Variants in NIBAN1 observed in about 807,000 individuals in gnomAD.
NIBAN1 encodes niban apoptosis regulator 1.
In NIBAN1, 81 loss-of-function variants were observed where a neutral mutation model predicts 75.1. The ratio of observed to expected loss-of-function variants is 1.08; its 90% CI spans 0.90 to 1.30. The LOEUF (loss-of-function observed/expected upper bound fraction) is 1.30. Ranked by LOEUF, NIBAN1 falls within the 50% of genes most tolerant of loss-of-function variation. NIBAN1 has a pLI of 0.00. For missense variants in NIBAN1, 1,133 were observed against 1,128.1 expected, an observed-to-expected ratio of 1.00 and a Z score of -0.06; for synonymous variants, 436 against 424.8, an observed-to-expected ratio of 1.03 and a Z score of -0.32.
intron 1 of NIBAN1, among the ~76,000 whole-genome samples, chr1:184,933,024 A>G (rs1355934871): frequency 1.3e-5 from 2 of 152,236 alleles, no homozygotes; most frequent in Non-Finnish European, 2.9e-5. Flanking sequence ...AGACACAAAA[A>G]TTAAAGAGTA....
At position 184,894,180 on chromosome 1, in the gene NIBAN1, C is replaced by A; in HGVS notation, c.213G>T (p.Leu71Phe). The change falls in exon 3 of 14, where the codon TTG becomes TTT. Residue 71 changes from leucine (L) to phenylalanine (F), a missense_variant. Transcript: ENST00000367511. ...AAAATTGTGATAGCTCTGCTTCATA[C>A]AAAATAGTTCCAGGCGCCAATGGTG... The part of the protein sequence containing the change: ...TKPPLAPGTI[L>F]YEAELSQFSE... The A allele has an allele frequency of 6.2e-7, 1 of 1,609,112 alleles. No individual in the cohort carries two copies. Among genetic ancestry groups the A allele is most frequent in the Non-Finnish European group, 8.5e-7 (1 of 1,178,334 alleles).
intron 5 of NIBAN1, among the ~76,000 whole-genome samples, chr1:184,863,997 T>C (rs1043362655): frequency 1.3e-5 from 2 of 152,212 alleles, no homozygotes; most frequent in Non-Finnish European, 2.9e-5. Context: ...TTGCTAGTAT[T>C]GTTACTTTCT....
intron 1 of NIBAN1, among the ~76,000 whole-genome samples, chr1:184,911,003 G>C (rs1005515974): frequency 1.3e-5 from 2 of 151,966 alleles, no homozygotes; most frequent in South Asian, 4.1e-4. Flanking sequence ...CAGCTTACCA[G>C]CTGCAGACCT....
rs111914219 is a variant in NIBAN1 at position 184,932,391 on chromosome 1, T to C, written c.56-33082A>G. 8.5e-3 allele frequency among the ~76,000 whole-genome samples: 1,301 copies of C among 152,296 alleles called. 14 individuals are homozygous for C. The highest frequency in any genetic ancestry group is 0.02 in the South Asian group (99 of 4,830). On this transcript the variant is annotated intron_variant, in intron 1 of 13. Coordinates refer to ENST00000367511, the MANE Select transcript of NIBAN1 (RefSeq NM_052966.4). ...ACAATGATAGATTGTCAGACATTAG[T>C]TAGATTCTCATAAGGATCATGAACT...
chr1:184,939,977 T>A (rs756987219), intron 1 of NIBAN1, among the ~76,000 whole-genome samples: 5 of 152,066 alleles, frequency 3.3e-5, no homozygotes, highest in Non-Finnish European at 5.9e-5. Flanking sequence ...GTTCCGGGAG[T>A]GTCTCAGAAT....
intron 1 of NIBAN1, among the ~76,000 whole-genome samples, chr1:184,910,461 A>T (rs1025432898): frequency 6.6e-6 from 1 of 152,176 alleles, no homozygotes; most frequent in Admixed American, 6.5e-5. Context: ...TAGTAATAGA[A>T]TATTTACAAA....
chr1:184,896,134 A>G (rs548351416), intron 2 of NIBAN1, among the ~76,000 whole-genome samples: 1 of 152,188 alleles, frequency 6.6e-6, no homozygotes, highest in African/African-American at 2.4e-5. Context: ...TGATATCTCC[A>G]TACTATTTTC....
At chr1:184,872,725 A>C (rs1332728518) in intron 5 of NIBAN1, among the ~76,000 whole-genome samples, 5 of 149,242 alleles carry the variant, frequency 3.4e-5, no homozygotes, top group Non-Finnish European at 7.5e-5. Context: ...AAAAAAAAAA[A>C]GGTTAAGAGG....
chr1:184,950,828 T>C (rs1658341225), intron 1 of NIBAN1, among the ~76,000 whole-genome samples: 1 of 152,188 alleles, frequency 6.6e-6, no homozygotes, highest in South Asian at 2.1e-4. Flanking sequence ...TTCTTACCGC[T>C]CCCTTGAATT....
chr1:184,942,592 G>A (rs1292475063), intron 1 of NIBAN1, among the ~76,000 whole-genome samples: 1 of 152,042 alleles, frequency 6.6e-6, no homozygotes, highest in East Asian at 1.9e-4. Context: ...TACTTGGGAG[G>A]CTGAGGCAGG....
chr1:184,893,987 C>A, intron 3 of NIBAN1, 88 bp downstream of exon 3: 1 of 1,372,880 alleles, frequency 7.3e-7, no homozygotes, highest in East Asian at 2.5e-5. Flanking sequence ...GTTAGTATAG[C>A]CTTGTAGGAA....
chr1:184,804,505 C>T (rs1654134242), intron 11 of NIBAN1, among the ~76,000 whole-genome samples: 1 of 152,162 alleles, frequency 6.6e-6, no homozygotes, highest in Non-Finnish European at 1.5e-5. Flanking sequence ...ATGGGCTATC[C>T]TGAGAGGTAG....
At chr1:184,887,177 G>A (rs1656548796) in intron 4 of NIBAN1, among the ~76,000 whole-genome samples, 1 of 152,064 alleles carries the variant, frequency 6.6e-6, no homozygotes, top group African/African-American at 2.4e-5. Flanking sequence ...ATAAATTTCT[G>A]GGGATATATG....
At chr1:184,865,437 A>G (rs1190069950) in intron 5 of NIBAN1, among the ~76,000 whole-genome samples, 1 of 152,108 alleles carries the variant, frequency 6.6e-6, no homozygotes, top group Admixed American at 6.6e-5. Flanking sequence ...GATGGCAACA[A>G]TACACGGGAC....
chr1:184,804,173 T>C (rs574585103), intron 11 of NIBAN1, among the ~76,000 whole-genome samples: 1 of 152,326 alleles, frequency 6.6e-6, no homozygotes, highest in South Asian at 2.1e-4. Context: ...ACAAGAAAGA[T>C]GACGATTCTG....
intron 5 of NIBAN1, among the ~76,000 whole-genome samples, chr1:184,838,484 T>C (rs780363247): frequency 4.6e-5 from 7 of 152,318 alleles, no homozygotes; most frequent in Non-Finnish European, 7.3e-5. Flanking sequence ...CATTCAACAA[T>C]CACATCCTCA....
At chr1:184,800,627 T>C (rs926006880) in intron 12 of NIBAN1, among the ~76,000 whole-genome samples, 2 of 152,076 alleles carry the variant, frequency 1.3e-5, no homozygotes, top group African/African-American at 2.4e-5. Context: ...TAGGGAATCC[T>C]TTCCCCATTG....
chr1:184,797,057 G>C (rs1653893140), intron 13 of NIBAN1, among the ~76,000 whole-genome samples: 1 of 151,912 alleles, frequency 6.6e-6, no homozygotes, highest in Non-Finnish European at 1.5e-5. Flanking sequence ...CATTGAGGAA[G>C]GTCTTTTGTG....
chr1:184,947,850 T>C (rs1658268826), intron 1 of NIBAN1, among the ~76,000 whole-genome samples: 1 of 152,252 alleles, frequency 6.6e-6, no homozygotes, highest in South Asian at 2.1e-4. Flanking sequence ...AGTGAGTTTC[T>C]TATTACTGGA....
Sources: allele counts gnomAD v4.1 joint callset (sites outside exome capture counted in the v4.1 genomes callset), GRCh38; gene constraint gnomAD v4.1.1; transcripts MANE v1.5; gene names NCBI Gene and HGNC (gene_info 2026-07-23, HGNC 2026-07-21).